Variants in CDH18 observed in about 807,000 individuals in gnomAD.
CDH18 encodes the protein cadherin 18, also known as cadherin-18.
In CDH18, 31 loss-of-function variants were observed where a neutral mutation model predicts 67.9. The ratio of observed to expected loss-of-function variants is 0.46; its 90% CI spans 0.34 to 0.62. CDH18 has a LOEUF of 0.62. Ranked by LOEUF, CDH18 falls within the 20% of genes least tolerant of loss-of-function variation. CDH18 has a pLI of 0.01. For missense variants in CDH18, 890 were observed against 975.5 expected (o/e 0.91, Z 1.17); for synonymous variants, 362 against 347.2 (o/e 1.04, Z -0.48).
intron 3 of CDH18, among the ~76,000 whole-genome samples, chr5:19,762,565 T>A (rs1772509171): frequency 6.6e-6 from 1 of 152,066 alleles, no homozygotes; most frequent in Admixed American, 6.6e-5. Context: ...CTCACACCAG[T>A]TAGAATGGTG....
intron 2 of CDH18, among the ~76,000 whole-genome samples, chr5:20,238,061 T>C (rs529620113): frequency 6.6e-6 from 1 of 152,044 alleles, no homozygotes; most frequent in South Asian, 2.1e-4. Flanking sequence ...AAAATGGTAA[T>C]CATTGTAACA....
At chr5:20,372,346 A>G (rs1157685580) in intron 1 of CDH18, among the ~76,000 whole-genome samples, 1 of 152,166 alleles carries the variant, frequency 6.6e-6, no homozygotes. Context: ...TTGTCTTAAA[A>G]ACATTAAAAT....
intron 1 of CDH18, among the ~76,000 whole-genome samples, chr5:20,334,131 C>CTTTTTTTTTTTTTTT (rs34609844): frequency 7.3e-5 from 6 of 81,638 alleles, no homozygotes; most frequent in African/African-American, 1.6e-4. Context: ...GACTTGAATT[C>CTTTTTTTTTTTTTTT]TTTTTTTTTT....
At chr5:20,214,618 C>A (rs1740613652) in intron 2 of CDH18, among the ~76,000 whole-genome samples, 2 of 151,958 alleles carry the variant, frequency 1.3e-5, no homozygotes, top group South Asian at 4.1e-4. Context: ...ATAAATGGTG[C>A]TAGGATAACT....
At chr5:20,087,734 G>C (rs1326941843) in intron 2 of CDH18, among the ~76,000 whole-genome samples, 1 of 152,150 alleles carries the variant, frequency 6.6e-6, no homozygotes, top group East Asian at 1.9e-4. Flanking sequence ...ATACATTACA[G>C]TGTAGTATAA....
At chr5:19,748,009 G>GA (rs1300350733) in intron 3 of CDH18, among the ~76,000 whole-genome samples, 1 of 148,130 alleles carries the variant, frequency 6.8e-6, no homozygotes, top group Non-Finnish European at 1.5e-5. Flanking sequence ...GCTACTCGGG[G>GA]GGCTGAGGCA....
intron 2 of CDH18, among the ~76,000 whole-genome samples, chr5:19,916,113 C>G (rs1318155507): frequency 6.6e-6 from 1 of 152,100 alleles, no homozygotes; most frequent in Non-Finnish European, 1.5e-5. Context: ...ACTGTCTAAT[C>G]TTAACACAGA....
chr5:19,809,603 T>TA (rs1323827789), intron 3 of CDH18, among the ~76,000 whole-genome samples: 12 of 152,272 alleles, frequency 7.9e-5, no homozygotes, highest in East Asian at 3.9e-4. Context: ...GAGTTCTTGG[T>TA]AAAAAAAGTT....
chr5:20,331,867 G>C (rs1739221300), intron 1 of CDH18, among the ~76,000 whole-genome samples: 1 of 152,128 alleles, frequency 6.6e-6, no homozygotes. Context: ...GTATTAAACT[G>C]TCCCTATAAT....
rs149961119 is a variant in CDH18, at chr5:20,499,445, A to T, written c.-580+76017T>A. 8.1e-3 allele frequency among the ~76,000 whole-genome samples: 1,233 copies of T among 152,156 alleles called. 12 individuals carry two copies. The highest frequency in any genetic ancestry group is 0.014 in the Non-Finnish European group (966 of 67,954). ...ACTTCAAGGTTGATTGAATCTGCAG[A>T]TCCATAACCCACAGATACAGAGGGC... On this transcript the variant is annotated intron_variant, in intron 1 of 14. Transcript: ENST00000507958.
chr5:19,863,812 G>A (rs937384802), intron 2 of CDH18, among the ~76,000 whole-genome samples: 1 of 152,158 alleles, frequency 6.6e-6, no homozygotes, highest in African/African-American at 2.4e-5. Context: ...TGTGAGAGGT[G>A]AGACTCACTG....
intron 1 of CDH18, among the ~76,000 whole-genome samples, chr5:20,502,341 G>A (rs10462119): frequency 0.18 from 27,843 of 152,028 alleles, 3,138 homozygotes; most frequent in East Asian, 0.4. Flanking sequence ...ACTACCAGAG[G>A]TCAAGGTATA....
chr5:20,254,106 T>C (rs1192705771), intron 2 of CDH18, among the ~76,000 whole-genome samples: 2 of 152,108 alleles, frequency 1.3e-5, no homozygotes, highest in African/African-American at 2.4e-5. Context: ...ATTTTTAGCA[T>C]TAGTTTTTTG....
At chr5:20,442,168 G>A (rs1393565288) in intron 1 of CDH18, among the ~76,000 whole-genome samples, 1 of 151,776 alleles carries the variant, frequency 6.6e-6, no homozygotes, top group Non-Finnish European at 1.5e-5. Flanking sequence ...CAGTACCCCT[G>A]GTAACACGGT....
chr5:20,017,080 T>C (rs553425347), intron 2 of CDH18, among the ~76,000 whole-genome samples: 3 of 152,290 alleles, frequency 2.0e-5, no homozygotes, highest in African/African-American at 7.2e-5. Context: ...GAAATTGATG[T>C]GTTCTCTGAA....
chr5:20,143,993 T>C (rs1037684992), intron 2 of CDH18, among the ~76,000 whole-genome samples: 1 of 152,170 alleles, frequency 6.6e-6, no homozygotes, highest in Non-Finnish European at 1.5e-5. Flanking sequence ...CTTGAACCTC[T>C]GTGAATTGCA....
intron 1 of CDH18, among the ~76,000 whole-genome samples, chr5:19,984,391 A>G (rs1799360874): frequency 6.6e-6 from 1 of 152,106 alleles, no homozygotes; most frequent in African/African-American, 2.4e-5. Flanking sequence ...TAATATGAGG[A>G]AGGATGGAAA....
In CDH18 at chr5:20,265,450, T is replaced by C. The variant is rs561785394; in HGVS notation, c.-579-9945A>G. Among the ~76,000 whole-genome samples the C allele has an allele frequency of 1.6e-4, 25 of 152,086 alleles. No homozygotes were observed. The South Asian group carries it at 5.2e-3, about 32-fold the overall frequency. ...TATCTGGATGTATACTATTTCTGCT[T>C]GACAAAAGAAACATTCAAAATAAAA... On this transcript the variant is annotated intron_variant, in intron 1 of 14. Transcript: ENST00000507958.
At chr5:19,662,537 A>C (rs1757326914) in intron 5 of CDH18, among the ~76,000 whole-genome samples, 1 of 152,084 alleles carries the variant, frequency 6.6e-6, no homozygotes, top group Admixed American at 6.6e-5. Context: ...TCTGCATTTT[A>C]GTTCCAGTAG....
Sources: gnomAD v4.1 joint callset for allele counts (sites outside exome capture counted in the v4.1 genomes callset) on GRCh38, gnomAD v4.1.1 for gene constraint, MANE v1.5 for transcripts, NCBI Gene and HGNC (gene_info 2026-07-23, HGNC 2026-07-21) for gene names.